GALNT13: variants seen among roughly 807,000 people sequenced by gnomAD.
The protein encoded by GALNT13 is UDP-GalNAc:polypeptide N-acetylgalactosaminyltransferase 13.
GALNT13 carries 28 observed loss-of-function variants against 64.2 expected under a neutral mutation model. That is an observed-to-expected ratio of 0.44 (90% CI 0.32 to 0.60). The LOEUF (loss-of-function observed/expected upper bound fraction) is 0.60. Ranked by LOEUF, GALNT13 falls within the 20% of genes least tolerant of loss-of-function variation. GALNT13 has a pLI of 0.05. For synonymous variants in GALNT13, 214 were observed against 224.6 expected (o/e 0.95, Z 0.42); for missense variants, 577 against 669.8 (o/e 0.86, Z 1.53).
chr2:153,655,635 A>G, the GALNT13 span, among the ~76,000 whole-genome samples: 1 of 152,138 alleles, frequency 6.6e-6, no homozygotes, highest in Non-Finnish European at 1.5e-5. Context: ...AGAATTATTG[A>G]TAACTTGAAA....
the GALNT13 span, among the ~76,000 whole-genome samples, chr2:153,143,253 A>G: frequency 1.3e-5 from 2 of 151,978 alleles, no homozygotes; most frequent in Non-Finnish European, 2.9e-5. Context: ...CTCTAATGGT[A>G]ATTTCTCTTT....
the GALNT13 span, among the ~76,000 whole-genome samples, chr2:153,482,964 T>C: frequency 1.2e-4 from 19 of 152,130 alleles, no homozygotes; most frequent in Non-Finnish European, 2.2e-4. Context: ...CATAAGTCAT[T>C]AAATGAAAAA....
At chr2:153,665,895 T>C in the GALNT13 span, among the ~76,000 whole-genome samples, 1 of 152,172 alleles carries the variant, frequency 6.6e-6, no homozygotes, top group Non-Finnish European at 1.5e-5. Flanking sequence ...CCAGAGGGTT[T>C]GGTGCAGGCG....
chr2:154,092,766 G>A (rs181769566), intron 3 of GALNT13, among the ~76,000 whole-genome samples: 1 of 152,116 alleles, frequency 6.6e-6, no homozygotes, highest in East Asian at 1.9e-4. Flanking sequence ...AGGTGAAGGA[G>A]CACGTTATTT....
At chr2:153,544,731 T>C in the GALNT13 span, among the ~76,000 whole-genome samples, 15 of 152,372 alleles carry the variant, frequency 9.8e-5, no homozygotes, top group Non-Finnish European at 1.6e-4. Flanking sequence ...TACAGTGTTC[T>C]GTAGCTGAGA....
intron 4 of GALNT13, among the ~76,000 whole-genome samples, chr2:154,196,399 A>G (rs919515612): frequency 1.4e-4 from 22 of 152,328 alleles, no homozygotes; most frequent in African/African-American, 5.3e-4. Flanking sequence ...AGAAGAGTTC[A>G]TGCTTGAATT....
At chr2:154,263,224 C>A (rs1573977074) in intron 8 of GALNT13, among the ~76,000 whole-genome samples, 1 of 152,282 alleles carries the variant, frequency 6.6e-6, no homozygotes, top group East Asian at 1.9e-4. Context: ...TGGCACTTAC[C>A]ATCTGTGTAA....
intron 2 of GALNT13, among the ~76,000 whole-genome samples, chr2:153,914,751 T>C (rs1282959089): frequency 2.0e-5 from 3 of 152,194 alleles, no homozygotes; most frequent in African/African-American, 7.2e-5. Context: ...CTTTGCTTAG[T>C]ATGGTACCTG....
chr2:153,581,301 G>A, the GALNT13 span, among the ~76,000 whole-genome samples: 102 of 152,106 alleles, frequency 6.7e-4, no homozygotes, highest in African/African-American at 2.0e-3. Context: ...TAGAATGATC[G>A]AGCACACAGC....
At chr2:153,562,884 C>A in the GALNT13 span, among the ~76,000 whole-genome samples, 5 of 152,152 alleles carry the variant, frequency 3.3e-5, no homozygotes, top group East Asian at 7.7e-4. Context: ...AGTAGTTTTA[C>A]TAGAAATTGT....
chr2:153,790,143 AG>A, the GALNT13 span, among the ~76,000 whole-genome samples: 1 of 152,204 alleles, frequency 6.6e-6, no homozygotes, highest in Admixed American at 6.5e-5. Context: ...AGAAAACTTC[AG>A]GCCAGTATAC....
the GALNT13 span, among the ~76,000 whole-genome samples, chr2:153,280,716 G>T: frequency 2.1e-3 from 317 of 152,146 alleles, no homozygotes; most frequent in Admixed American, 4.8e-3. Flanking sequence ...ATCTCACTGT[G>T]GACCAAAAAT....
intron 9 of GALNT13, among the ~76,000 whole-genome samples, chr2:154,310,075 T>G (rs528849278): frequency 6.6e-6 from 1 of 152,294 alleles, no homozygotes; most frequent in South Asian, 2.1e-4. Flanking sequence ...AAAAAGTATT[T>G]GAGTAGTTAA....
intron 1 of GALNT13, among the ~76,000 whole-genome samples, chr2:153,895,141 A>G (rs1418503058): frequency 6.6e-6 from 1 of 152,180 alleles, no homozygotes; most frequent in Non-Finnish European, 1.5e-5. Context: ...TTGGCTGTGT[A>G]TGAGAACCAT....
chr2:153,430,550 G>C, the GALNT13 span, among the ~76,000 whole-genome samples: 1 of 150,162 alleles, frequency 6.7e-6, no homozygotes. Context: ...GAGAGAGAGA[G>C]AGAGACTAAG....
intron 4 of GALNT13, among the ~76,000 whole-genome samples, chr2:154,231,828 G>A (rs369195375): frequency 6.7e-6 from 1 of 148,728 alleles, no homozygotes; most frequent in African/African-American, 2.5e-5. Flanking sequence ...TATTTTGTTT[G>A]GTTTTATTTT....
chr2:153,453,063 A>T, the GALNT13 span, among the ~76,000 whole-genome samples: 1 of 152,230 alleles, frequency 6.6e-6, no homozygotes, highest in African/African-American at 2.4e-5. Context: ...CTGGCTAGCC[A>T]TATGCAGAAG....
intron 8 of GALNT13, among the ~76,000 whole-genome samples, chr2:154,296,504 A>G (rs1038318803): frequency 1.3e-5 from 2 of 152,206 alleles, no homozygotes; most frequent in Non-Finnish European, 2.9e-5. Flanking sequence ...CCTCTTTACC[A>G]AACACCTTGC....
the GALNT13 span, among the ~76,000 whole-genome samples, chr2:153,699,375 T>A: frequency 6.6e-6 from 1 of 152,002 alleles, no homozygotes; most frequent in Admixed American, 6.6e-5. Flanking sequence ...TAAATGCCCT[T>A]ATCAGAAGGC....
Sources: gnomAD v4.1 joint callset for allele counts (sites outside exome capture counted in the v4.1 genomes callset) on GRCh38, gnomAD v4.1.1 for gene constraint, MANE v1.5 for transcripts, NCBI Gene and HGNC (gene_info 2026-07-23, HGNC 2026-07-21) for gene names.